Variants in WIPF2 observed in about 807,000 individuals in gnomAD.
The protein encoded by WIPF2 is WAS/WASL-interacting protein family member 2.
Under a neutral mutation model 38.8 loss-of-function variants are expected in WIPF2, and 23 were observed. That is an observed-to-expected ratio of 0.59 (90% CI 0.43 to 0.84). WIPF2 has a LOEUF of 0.84. WIPF2 is among the 40% of genes least tolerant of loss of function. WIPF2 has a pLI of 0.00. For synonymous variants in WIPF2, 210 were observed against 223.2 expected (o/e 0.94, Z 0.53); for missense variants, 574 against 580.5 (o/e 0.99, Z 0.11).
intron 1 of WIPF2, among the ~76,000 whole-genome samples, chr17:40,244,757 C>CT (rs2031304441): frequency 6.6e-6 from 1 of 152,116 alleles, no homozygotes; most frequent in South Asian, 2.1e-4. Context: ...TACTAGTTCT[C>CT]TAACACACCA....
intron 1 of WIPF2, among the ~76,000 whole-genome samples, chr17:40,226,013 C>T (rs992081761): frequency 3.3e-5 from 5 of 151,914 alleles, no homozygotes; most frequent in African/African-American, 1.2e-4. Context: ...TTTTGAGGCC[C>T]CTCAGTGGAA....
At chr17:40,238,840 T>A (rs2145312810) in intron 1 of WIPF2, among the ~76,000 whole-genome samples, 1 of 152,012 alleles carries the variant, frequency 6.6e-6, no homozygotes, top group South Asian at 2.1e-4. Flanking sequence ...CTGAAACTCC[T>A]GACCTCATGA....
chr17:40,220,598 T>C (rs1367830420), intron 1 of WIPF2: 27 of 82,452 alleles, frequency 3.3e-4, no homozygotes, highest in African/African-American at 8.9e-4. Flanking sequence ...TATATATATA[T>C]ATATATATAT....
intron 1 of WIPF2, among the ~76,000 whole-genome samples, chr17:40,230,227 C>T (rs767656101): frequency 3.8e-4 from 57 of 151,980 alleles, no homozygotes; most frequent in Non-Finnish European, 6.6e-4. Context: ...TGGTTCTAGC[C>T]GCTCAGGAGG....
Position 40,282,588 on chromosome 17 carries a change from T to C in WIPF2, c.*4363T>C, listed in dbSNP as rs532786921. On this transcript the variant is annotated 3_prime_UTR_variant, in exon 8 of 8. Transcript: ENST00000323571. ...CCTCTCCCAAATAGCATTGATTTTTTCCCCCCTCTAAAATGTATAATCTGG... is the reference window on the plus strand; with the variant it reads ...CCTCTCCCAAATAGCATTGATTTTTCCCCCCCTCTAAAATGTATAATCTGG... 5 of 152,244 alleles carry C rather than the reference T, an allele frequency of 3.3e-5. No individual in the cohort carries two copies. Among genetic ancestry groups the C allele is most frequent in the African/African-American group, 7.2e-5 (3 of 41,478 alleles). 9.4% of individuals were successfully genotyped at this position (152,244 alleles called of 1,614,324 possible). A position where few individuals can be genotyped will look rare whatever the true frequency, so the allele number is the denominator to read the frequency against.
chr17:40,220,620 TATATATATATA>T, intron 1 of WIPF2: 6 of 99,794 alleles, frequency 6.0e-5, no homozygotes, highest in Admixed American at 3.4e-4. Context: ...TATATATATG[TATATATATATA>T]TTTTTTTGTT....
intron 4 of WIPF2, among the ~76,000 whole-genome samples, chr17:40,263,821 G>A (rs2031990969): frequency 1.3e-5 from 2 of 151,870 alleles, no homozygotes; most frequent in South Asian, 2.1e-4. Flanking sequence ...GGGATTACAG[G>A]CATGAGCCAC....
intron 5 of WIPF2, among the ~76,000 whole-genome samples, chr17:40,272,379 A>G (rs2032275772): frequency 6.6e-6 from 1 of 152,206 alleles, no homozygotes; most frequent in Non-Finnish European, 1.5e-5. Context: ...AAATGTGACC[A>G]TCATATAATA....
At chr17:40,253,065 C>CTT (rs767389253) in intron 1 of WIPF2, among the ~76,000 whole-genome samples, 12 of 130,610 alleles carry the variant, frequency 9.2e-5, no homozygotes, top group Non-Finnish European at 1.5e-4. Context: ...CGCGCCTGGA[C>CTT]TTTTTTTTTT....
chr17:40,261,296 CT>C (rs752568975), intron 3 of WIPF2, among the ~76,000 whole-genome samples: 232 of 143,514 alleles, frequency 1.6e-3, no homozygotes, highest in Non-Finnish European at 1.6e-3. Context: ...TTGAACATTT[CT>C]TTTTTTTTTT....
intron 2 of WIPF2, among the ~76,000 whole-genome samples, chr17:40,259,889 ATGTT>A (rs1031616282): frequency 1.3e-5 from 2 of 152,184 alleles, no homozygotes; most frequent in Non-Finnish European, 2.9e-5. Context: ...GACTCACTAA[ATGTT>A]TGCCTTGATG....
chr17:40,220,636 T>TG (rs2030188316), intron 1 of WIPF2: 2 of 140,044 alleles, frequency 1.4e-5, no homozygotes, highest in African/African-American at 5.3e-5. Context: ...TATATATTTT[T>TG]TTGTTGTTGT....
At chr17:40,245,220 C>T (rs1296390821) in intron 1 of WIPF2, among the ~76,000 whole-genome samples, 2 of 151,606 alleles carry the variant, frequency 1.3e-5, no homozygotes, top group Non-Finnish European at 2.9e-5. Flanking sequence ...AACTGTTATA[C>T]TGAGATTTTA....
rs534778244 is a variant in WIPF2 at position 40,261,656 on chromosome 17, CTTG to C, written c.197-857_197-855del. On this transcript the variant is annotated intron_variant, in intron 3 of 7. Coordinates refer to ENST00000323571, the MANE Select transcript of WIPF2 (RefSeq NM_133264.5). ...GCCCTGAATAAAGGAAGATCGGCCA[CTTG>C]TTGTTGTTGTTTTTTTTTTTTGGTT... is the stretch of plus-strand genomic sequence containing the variant. Among the ~76,000 whole-genome samples the C allele has an allele frequency of 3.2e-3, 474 of 147,270 alleles. 3 individuals are homozygous for C. The highest frequency in any genetic ancestry group is 0.027 in the South Asian group (124 of 4,608).
At chr17:40,228,280 G>T (rs1598465652) in intron 1 of WIPF2, among the ~76,000 whole-genome samples, 1 of 151,900 alleles carries the variant, frequency 6.6e-6, no homozygotes, top group Admixed American at 6.6e-5. Context: ...CTCCCAAAGT[G>T]CTGGGATTAC....
At position 40,219,315 on chromosome 17, in the gene WIPF2, G is replaced by A; in HGVS notation, c.-247G>A. 3.3e-6 allele frequency: 1 copy of A among 298,772 alleles called. No homozygotes were observed. The allele number at this position is 298,772 out of a possible 1,614,324, so 18.5% of individuals were successfully genotyped here. A position where few individuals can be genotyped will look rare whatever the true frequency, so the allele number is the denominator to read the frequency against. On this transcript the variant is annotated 5_prime_UTR_variant, in exon 1 of 8. Transcript: ENST00000323571. Reference sequence around the variant, plus strand: ...TTTCCCCCGCCTCCATTTTGTTCGCGGACGCTGGGGACGGTGGGAGCAGAT... The same window carrying A: ...TTTCCCCCGCCTCCATTTTGTTCGCAGACGCTGGGGACGGTGGGAGCAGAT...
intron 1 of WIPF2, among the ~76,000 whole-genome samples, chr17:40,234,958 C>T (rs957723501): frequency 6.6e-6 from 1 of 151,798 alleles, no homozygotes; most frequent in Non-Finnish European, 1.5e-5. Context: ...GCCCTGTCAC[C>T]CAGGCTGGAG....
At chr17:40,222,827 C>A (rs948083328) in intron 1 of WIPF2, among the ~76,000 whole-genome samples, 2 of 149,456 alleles carry the variant, frequency 1.3e-5, no homozygotes, top group East Asian at 4.0e-4. Flanking sequence ...TGCACCACCA[C>A]GCCCAGCTAA....
chr17:40,266,549 G>C (rs1297124872), intron 5 of WIPF2, among the ~76,000 whole-genome samples: 1 of 152,120 alleles, frequency 6.6e-6, no homozygotes, highest in Non-Finnish European at 1.5e-5. Flanking sequence ...AAGAATGCAG[G>C]AATAGGAGGA....
Sources: gnomAD v4.1 joint callset for allele counts (sites outside exome capture counted in the v4.1 genomes callset) on GRCh38, gnomAD v4.1.1 for gene constraint, MANE v1.5 for transcripts, NCBI Gene and HGNC (gene_info 2026-07-23, HGNC 2026-07-21) for gene names.